The following WDFY4 variants were observed in gnomAD, a reference collection of about 807,000 sequenced individuals.
WDFY4 encodes WDFY family member 4, also known as WD repeat- and FYVE domain-containing protein 4.
A neutral mutation model predicts 351.9 loss-of-function variants in WDFY4; 169 were observed. The ratio of observed to expected loss-of-function variants is 0.48; its 90% confidence interval spans 0.42 to 0.55. The LOEUF is 0.55. Among genes scored for constraint, WDFY4 ranks in the 20% least tolerant of loss-of-function variants. The pLI is 0.00. For missense variants in WDFY4, 3,803 were observed against 3,935.6 expected (o/e 0.97, Z 0.90); for synonymous variants, 1,622 against 1,574.6 (o/e 1.03, Z -0.71).
chr10:48,918,043 T>C (rs1461072256), intron 47 of WDFY4, among the ~76,000 whole-genome samples: 1 of 152,206 alleles, frequency 6.6e-6, no homozygotes, highest in East Asian at 1.9e-4. Flanking sequence ...GTAAAGTATG[T>C]GTATTTTAAT....
At chr10:48,841,825 C>T (rs1161299242) in intron 39 of WDFY4, among the ~76,000 whole-genome samples, 1 of 152,248 alleles carries the variant, frequency 6.6e-6, no homozygotes, top group Admixed American at 6.5e-5. Context: ...AGTCACTGCA[C>T]ACCTGCTGGG....
At chr10:48,887,502 G>A (rs564737305) in intron 43 of WDFY4, among the ~76,000 whole-genome samples, 122 of 152,334 alleles carry the variant, frequency 8.0e-4, no homozygotes, top group African/African-American at 2.8e-3. Context: ...CTTCAGGCCA[G>A]GCGCGGTGGC....
intron 12 of WDFY4, among the ~76,000 whole-genome samples, chr10:48,758,445 G>T (rs1287845479): frequency 6.6e-6 from 1 of 152,148 alleles, no homozygotes; most frequent in Non-Finnish European, 1.5e-5. Flanking sequence ...AATCTTTAAG[G>T]TTATGTATTT....
chr10:48,971,116 G>A (rs747729370), intron 57 of WDFY4, among the ~76,000 whole-genome samples: 4 of 152,166 alleles, frequency 2.6e-5, no homozygotes, highest in Non-Finnish European at 4.4e-5. Flanking sequence ...ACTTGCTCTA[G>A]AATATCACTA....
At chr10:48,933,638 AC>A (rs1840169240) in intron 47 of WDFY4, among the ~76,000 whole-genome samples, 1 of 152,060 alleles carries the variant, frequency 6.6e-6, no homozygotes. Context: ...GTGTTATTAG[AC>A]CCAGTTCTAG....
chr10:48,915,988 A>C (rs748019720), intron 47 of WDFY4, among the ~76,000 whole-genome samples: 3 of 152,256 alleles, frequency 2.0e-5, no homozygotes, highest in Non-Finnish European at 4.4e-5. Context: ...AGCTTAAAAA[A>C]CAAAGTGGAG....
chr10:48,969,100 A>G lies in WDFY4; in HGVS notation c.8621A>G (p.Lys2874Arg), dbSNP rs964473983. 3 of 1,551,664 alleles carry G rather than the reference A, an allele frequency of 1.9e-6. No homozygotes were observed. The highest frequency in any genetic ancestry group is 2.6e-6 in the Non-Finnish European group (3 of 1,146,980). The change falls in exon 56 of 62, where the codon AAA (lysine) becomes AGA (arginine). Residue 2874 changes from lysine (K) to arginine (R), a missense_variant. This residue lies in a region of WDFY4 where 3,054 missense variants were observed against 3,148.6 expected (regional missense o/e 0.97). Coordinates refer to ENST00000325239, the MANE Select transcript of WDFY4 (RefSeq NM_001394531.1). The stretch of plus-strand genomic sequence containing the variant: ...TTTTCTCTAGGCTCAGAGTCCCCCA[A>G]AGGGGCCATTGGCCACATTGTCTCT... ...YLFSLGSESPKGAIGHIVSTE... is the reference protein window; with the variant it reads ...YLFSLGSESPRGAIGHIVSTE...
intron 60 of WDFY4, chr10:48,979,681 C>T (rs1474565974): frequency 6.6e-6 from 1 of 151,874 alleles, no homozygotes; most frequent in Non-Finnish European, 1.5e-5. Context: ...ATGAAAGTCA[C>T]CTCAGAGCCA....
At chr10:48,773,238 A>C (rs2065924638) in intron 13 of WDFY4, among the ~76,000 whole-genome samples, 2 of 152,228 alleles carry the variant, frequency 1.3e-5, no homozygotes, top group South Asian at 4.1e-4. Flanking sequence ...GCAGTTCTGC[A>C]GAGAAGGGGA....
At chr10:48,945,635 C>A (rs1487203813) in intron 49 of WDFY4, among the ~76,000 whole-genome samples, 1 of 152,238 alleles carries the variant, frequency 6.6e-6, no homozygotes, top group African/African-American at 2.4e-5. Flanking sequence ...CCTCCCTGAA[C>A]AGATGACTTC....
chr10:48,752,957 AG>A (rs2065227624), intron 12 of WDFY4, among the ~76,000 whole-genome samples: 1 of 152,218 alleles, frequency 6.6e-6, no homozygotes, highest in African/African-American at 2.4e-5. Context: ...CTATTTTCAC[AG>A]CAGCTGAACC....
intron 31 of WDFY4, among the ~76,000 whole-genome samples, chr10:48,816,310 C>T (rs916902833): frequency 1.3e-5 from 2 of 152,108 alleles, no homozygotes; most frequent in African/African-American, 4.8e-5. Flanking sequence ...TATCAGTCTC[C>T]TGATTTTATT....
intron 54 of WDFY4, among the ~76,000 whole-genome samples, chr10:48,964,307 A>G (rs569181533): frequency 1.3e-5 from 2 of 152,356 alleles, no homozygotes; most frequent in South Asian, 4.1e-4. Context: ...TACAATAGAT[A>G]TGTGGTAACT....
intron 2 of WDFY4, among the ~76,000 whole-genome samples, chr10:48,715,788 G>A (rs947031562): frequency 4.7e-5 from 7 of 147,404 alleles, no homozygotes; most frequent in South Asian, 2.2e-4. Flanking sequence ...ACCACTCCTG[G>A]CTAATTTTTC....
intron 1 of WDFY4, among the ~76,000 whole-genome samples, chr10:48,699,033 A>C (rs1398994002): frequency 6.6e-6 from 1 of 152,232 alleles, no homozygotes; most frequent in East Asian, 1.9e-4. Flanking sequence ...AGCCCCAGAA[A>C]GCACATGCTA....
At chr10:48,697,528 C>T (rs55942245) in intron 1 of WDFY4, among the ~76,000 whole-genome samples, 2,170 of 152,326 alleles carry the variant, frequency 0.014, 28 homozygotes, top group Non-Finnish European at 0.025. Flanking sequence ...CCAAGCTCAC[C>T]AGGCATCTGA....
chr10:48,766,871 G>A (rs926145391), intron 13 of WDFY4, among the ~76,000 whole-genome samples: 1 of 152,216 alleles, frequency 6.6e-6, no homozygotes, highest in African/African-American at 2.4e-5. Flanking sequence ...GAGAGGTAAT[G>A]AACATGCATA....
chr10:48,813,080 C>A (rs899325149), intron 30 of WDFY4, among the ~76,000 whole-genome samples: 1 of 152,028 alleles, frequency 6.6e-6, no homozygotes, highest in Admixed American at 6.5e-5. Flanking sequence ...GAAACTGAGC[C>A]CCTGAAGAAC....
Position 48,786,719 on chromosome 10 carries a change from T to C in WDFY4, c.3657T>C (p.Ala1219=). The change falls in exon 20 of 62, where the codon GCT becomes GCC. Residue 1219 remains alanine (A), a synonymous_variant. Transcript: ENST00000325239. ...TTGTGGATGTTTATGGATATATTGC[T>C]ACTCCTCGAGTCTGGAAACAAAAGT... ...SAFVDVYGYI[A]TPRVWKQKSS... 6.4e-7 allele frequency: 1 copy of C among 1,552,366 alleles called. No homozygotes were observed.
Sources: allele counts gnomAD v4.1 joint callset (sites outside exome capture counted in the v4.1 genomes callset), GRCh38; gene constraint gnomAD v4.1.1; regional missense constraint gnomAD v4.1.1; transcripts MANE v1.5; gene names NCBI Gene and HGNC (gene_info 2026-07-23, HGNC 2026-07-21).